The following MACROD2 variants were observed in gnomAD, a reference collection of about 807,000 sequenced individuals.
The protein encoded by MACROD2 is ADP-ribose glycohydrolase MACROD2.
Under a neutral mutation model 70.4 loss-of-function variants are expected in MACROD2, and 36 were observed. The ratio of observed to expected loss-of-function variants is 0.51; its 90% CI spans 0.39 to 0.68. The LOEUF is 0.68. MACROD2 is among the 30% of genes least tolerant of loss of function. The pLI is 0.00. For synonymous variants in MACROD2, 172 were observed against 178.8 expected, an observed-to-expected ratio of 0.96 and a Z score of 0.30; for missense variants, 496 against 538.4, an observed-to-expected ratio of 0.92 and a Z score of 0.78.
At chr20:14,288,845 G>A (rs182065563) in intron 3 of MACROD2, among the ~76,000 whole-genome samples, 94 of 152,220 alleles carry the variant, frequency 6.2e-4, no homozygotes, top group African/African-American at 2.0e-3. Flanking sequence ...CTGAGAAATC[G>A]TGGCAATACT....
chr20:15,331,641 G>C (rs1376528759), intron 6 of MACROD2, among the ~76,000 whole-genome samples: 1 of 151,692 alleles, frequency 6.6e-6, no homozygotes, highest in Non-Finnish European at 1.5e-5. Context: ...GCTCAAAATA[G>C]TATCAAATGG....
chr20:15,244,093 C>T (rs368248543), intron 6 of MACROD2, among the ~76,000 whole-genome samples: 4 of 152,122 alleles, frequency 2.6e-5, no homozygotes, highest in African/African-American at 9.6e-5. Context: ...ATTACCTATG[C>T]CCTTTGGTTT....
chr20:15,706,310 T>C (rs1035619318), intron 8 of MACROD2, among the ~76,000 whole-genome samples: 1 of 152,210 alleles, frequency 6.6e-6, no homozygotes, highest in East Asian at 1.9e-4. Flanking sequence ...TTAGTCTCCA[T>C]TGCTTCATTT....
chr20:14,921,178 C>T (rs1279902051), intron 5 of MACROD2, among the ~76,000 whole-genome samples: 3 of 152,136 alleles, frequency 2.0e-5, no homozygotes, highest in Non-Finnish European at 4.4e-5. Flanking sequence ...GGGAGCATAT[C>T]GACATTATGG....
At position 14,889,281 on chromosome 20, in the gene MACROD2, A is replaced by G. The variant is rs2073720881; in HGVS notation, c.418+204322A>G. On this transcript the variant is annotated intron_variant, in intron 5 of 17. Coordinates refer to ENST00000684519, the MANE Select transcript of MACROD2 (RefSeq NM_001351661.2). ...GATATATCGGTAAACAAAACAGGAG[A>G]AGATCTCTGCCCTCATGAAACTTAT... is the stretch of plus-strand genomic sequence containing the variant. Among the ~76,000 whole-genome samples the G allele has an allele frequency of 1.3e-5, 2 of 152,154 alleles. 1 individual carries two copies. The highest frequency in any genetic ancestry group is 2.9e-5 in the Non-Finnish European group (2 of 68,032).
intron 3 of MACROD2, among the ~76,000 whole-genome samples, chr20:14,380,582 T>G (rs1457706130): frequency 6.6e-6 from 1 of 152,158 alleles, no homozygotes; most frequent in East Asian, 1.9e-4. Flanking sequence ...GGAGTTAATA[T>G]TAGTATGAAG....
At chr20:15,230,106 T>C (rs1343269819) in intron 6 of MACROD2, 45 bp downstream of exon 6, 1 of 1,573,530 alleles carries the variant, frequency 6.4e-7, no homozygotes, top group Non-Finnish European at 8.7e-7. Context: ...TTTCAACCTT[T>C]ATGCTTTAGT....
intron 15 of MACROD2, among the ~76,000 whole-genome samples, chr20:16,009,364 G>A (rs567488631): frequency 6.6e-6 from 1 of 152,298 alleles, no homozygotes; most frequent in East Asian, 1.9e-4. Context: ...AGGATTTAAA[G>A]TTTCGAGATT....
intron 5 of MACROD2, among the ~76,000 whole-genome samples, chr20:14,981,515 C>G (rs2074800484): frequency 6.6e-6 from 1 of 151,706 alleles, no homozygotes; most frequent in Non-Finnish European, 1.5e-5. Context: ...CGTGTCCCCA[C>G]TCAAATCTCA....
chr20:15,875,294 TACTC>T (rs2064652178), intron 9 of MACROD2, among the ~76,000 whole-genome samples: 1 of 152,170 alleles, frequency 6.6e-6, no homozygotes, highest in Non-Finnish European at 1.5e-5. Flanking sequence ...AGAAACTTCT[TACTC>T]AGTCTGAATT....
At chr20:14,270,394 A>T (rs2082181837) in intron 3 of MACROD2, among the ~76,000 whole-genome samples, 1 of 152,116 alleles carries the variant, frequency 6.6e-6, no homozygotes, top group South Asian at 2.1e-4. Context: ...CATTGAGATG[A>T]ACCTGGCCAA....
At chr20:15,451,384 G>C (rs548948909) in intron 7 of MACROD2, among the ~76,000 whole-genome samples, 3 of 109,322 alleles carry the variant, frequency 2.7e-5, no homozygotes, top group Non-Finnish European at 5.2e-5. Context: ...AAGGATCTAA[G>C]ACACATGAGC....
intron 8 of MACROD2, among the ~76,000 whole-genome samples, chr20:15,641,547 A>G (rs1781933500): frequency 6.6e-6 from 1 of 152,326 alleles, no homozygotes; most frequent in Middle Eastern, 3.4e-3. Context: ...AATCTGGTAT[A>G]TAATGCAACA....
In MACROD2 at chr20:14,186,235, A is replaced by T. The variant is rs573977756; in HGVS notation, c.271+100507A>T. On this transcript the variant is annotated intron_variant, in intron 3 of 17. Coordinates refer to ENST00000684519, the MANE Select transcript of MACROD2 (RefSeq NM_001351661.2). The stretch of plus-strand genomic sequence containing the variant: ...CACAAATAAAATTAGTTGTTACCAG[A>T]TTAACACAACTTCTATCTTTGCCTA... Among the ~76,000 whole-genome samples the T allele has an allele frequency of 1.8e-4, 27 of 152,342 alleles. No homozygotes were observed. The South Asian group carries it at 5.4e-3, about 30-fold the overall frequency.
rs575260079 is a variant in MACROD2 at position 15,907,387 on chromosome 20, T to A, written c.775+21576T>A. Among the ~76,000 whole-genome samples, 7 of 152,334 alleles carry A rather than the reference T, an allele frequency of 4.6e-5. No individual in the cohort carries two copies. In the South Asian group the frequency reaches 1.5e-3, roughly 32 times the overall value. On this transcript the variant is annotated intron_variant, in intron 10 of 17. Coordinates refer to ENST00000684519, the MANE Select transcript of MACROD2 (RefSeq NM_001351661.2). Reference sequence around the variant, plus strand: ...TAGCTGTGGCCAAGAGATCAAATTGTCCAACTTTGGTTAAGTTTGGCAGAG... The same window carrying A: ...TAGCTGTGGCCAAGAGATCAAATTGACCAACTTTGGTTAAGTTTGGCAGAG...
intron 8 of MACROD2, among the ~76,000 whole-genome samples, chr20:15,531,096 T>C (rs1336089955): frequency 3.3e-5 from 5 of 151,578 alleles, no homozygotes; most frequent in Non-Finnish European, 7.4e-5. Flanking sequence ...CAAGTGCTGC[T>C]GCCATTTATT....
At chr20:14,669,210 T>C (rs2070768815) in intron 4 of MACROD2, among the ~76,000 whole-genome samples, 1 of 152,176 alleles carries the variant, frequency 6.6e-6, no homozygotes, top group East Asian at 1.9e-4. Flanking sequence ...GTTTGCCATC[T>C]CCTCTCCAGA....
intron 3 of MACROD2, among the ~76,000 whole-genome samples, chr20:14,320,101 C>T (rs1240021405): frequency 6.6e-6 from 1 of 152,188 alleles, no homozygotes; most frequent in East Asian, 1.9e-4. Flanking sequence ...TAAACCTGTA[C>T]TGCGCACATA....
chr20:15,891,869 T>C (rs1032941066), intron 10 of MACROD2, among the ~76,000 whole-genome samples: 1 of 152,066 alleles, frequency 6.6e-6, no homozygotes, highest in Non-Finnish European at 1.5e-5. Flanking sequence ...GGGAGTTGAG[T>C]GCAGGAAAGG....
Sources: allele counts gnomAD v4.1 joint callset (sites outside exome capture counted in the v4.1 genomes callset), GRCh38; gene constraint gnomAD v4.1.1; transcripts MANE v1.5; gene names NCBI Gene and HGNC (gene_info 2026-07-23, HGNC 2026-07-21).